Variants in GRIA4 observed in about 807,000 individuals in gnomAD.
GRIA4 encodes the protein glutamate ionotropic receptor AMPA type subunit 4.
In GRIA4, 34 loss-of-function variants were observed where a neutral mutation model predicts 104.0. The observed-to-expected ratio is 0.33, with a 90% CI of 0.25 to 0.44. The LOEUF is 0.44. GRIA4 is among the 20% of genes least tolerant of loss of function. The probability of loss-of-function intolerance (pLI) is 1.00; values close to 1 mark genes in which losing one functional copy is unlikely to be tolerated. For missense variants in GRIA4, 750 were observed against 1,096.5 expected (o/e 0.68, Z 4.46); for synonymous variants, 386 against 381.9 (o/e 1.01, Z -0.13).
chr11:105,971,125 T>C (rs557006208), intron 14 of GRIA4, among the ~76,000 whole-genome samples: 2 of 152,306 alleles, frequency 1.3e-5, no homozygotes, highest in East Asian at 3.9e-4. Context: ...TTGTGGAATA[T>C]ATTATAGTCA....
intron 14 of GRIA4, among the ~76,000 whole-genome samples, chr11:105,942,432 T>C (rs1032352550): frequency 6.6e-6 from 1 of 152,140 alleles, no homozygotes; most frequent in Non-Finnish European, 1.5e-5. Context: ...ACAATAATAG[T>C]ACAGTTCAGC....
chr11:105,675,132 C>T (rs544745070), intron 3 of GRIA4, among the ~76,000 whole-genome samples: 3 of 151,972 alleles, frequency 2.0e-5, no homozygotes, highest in Non-Finnish European at 4.4e-5. Context: ...CAATTAAGGG[C>T]ACATGCTTTG....
intron 4 of GRIA4, among the ~76,000 whole-genome samples, chr11:105,783,817 G>C (rs1054951047): frequency 6.6e-6 from 1 of 150,984 alleles, no homozygotes; most frequent in African/African-American, 2.4e-5. Context: ...TTATCAGTTT[G>C]TCATAATTGA....
At chr11:105,771,995 G>C (rs1941229130) in intron 4 of GRIA4, among the ~76,000 whole-genome samples, 1 of 152,050 alleles carries the variant, frequency 6.6e-6, no homozygotes, top group South Asian at 2.1e-4. Flanking sequence ...ACTTAAAGAT[G>C]CTGTATTAAA....
At chr11:105,825,216 C>T (rs1943723972) in intron 4 of GRIA4, among the ~76,000 whole-genome samples, 1 of 151,992 alleles carries the variant, frequency 6.6e-6, no homozygotes, top group Non-Finnish European at 1.5e-5. Flanking sequence ...TTGAGTTCTG[C>T]CCACTGAGCC....
At chr11:105,887,353 T>C (rs554473951) in intron 5 of GRIA4, among the ~76,000 whole-genome samples, 166 bp from the exon 6 acceptor site, 1 of 152,248 alleles carries the variant, frequency 6.6e-6, no homozygotes, top group South Asian at 2.1e-4. Context: ...ATTCTGAATA[T>C]GGCTTATCAA....
chr11:105,729,726 G>A (rs1010186678), intron 3 of GRIA4, among the ~76,000 whole-genome samples: 5 of 152,070 alleles, frequency 3.3e-5, no homozygotes, highest in African/African-American at 1.2e-4. Flanking sequence ...ATTAACGTAA[G>A]CCATCACATA....
intron 4 of GRIA4, among the ~76,000 whole-genome samples, chr11:105,854,448 T>A (rs1944937258): frequency 6.6e-6 from 1 of 152,112 alleles, no homozygotes. Context: ...AAGAGAGCAG[T>A]GGATGACGTC....
chr11:105,710,689 G>C (rs895505404), intron 3 of GRIA4, among the ~76,000 whole-genome samples: 6 of 152,200 alleles, frequency 3.9e-5, no homozygotes, highest in Admixed American at 2.0e-4. Flanking sequence ...CCAATAACAA[G>C]TCTGTGAACC....
At chr11:105,617,449 C>G (rs945721075) in intron 3 of GRIA4, among the ~76,000 whole-genome samples, 1 of 151,778 alleles carries the variant, frequency 6.6e-6, no homozygotes, top group South Asian at 2.1e-4. Flanking sequence ...ATTCTTATAC[C>G]TACTATCCTA....
At chr11:105,955,432 G>A (rs960622555) in intron 14 of GRIA4, among the ~76,000 whole-genome samples, 11 of 152,122 alleles carry the variant, frequency 7.2e-5, no homozygotes, top group Admixed American at 1.3e-4. Context: ...CTTCATCCAT[G>A]TCCCTGCAAA....
At chr11:105,779,303 T>C (rs1484275933) in intron 4 of GRIA4, among the ~76,000 whole-genome samples, 1 of 152,032 alleles carries the variant, frequency 6.6e-6, no homozygotes, top group African/African-American at 2.4e-5. Flanking sequence ...TACAAACAAA[T>C]GGAAGAACAT....
chr11:105,778,385 T>C (rs146048855), intron 4 of GRIA4, among the ~76,000 whole-genome samples: 107 of 152,252 alleles, frequency 7.0e-4, no homozygotes, highest in African/African-American at 2.5e-3. Context: ...GTTTAGTAAA[T>C]GAGCATAAAT....
intron 3 of GRIA4, among the ~76,000 whole-genome samples, chr11:105,705,205 T>A (rs908911170): frequency 6.6e-6 from 1 of 152,076 alleles, no homozygotes; most frequent in Admixed American, 6.6e-5. Flanking sequence ...GACAACTGGT[T>A]TACCATTTGG....
rs146454222 is a variant in GRIA4 at position 105,910,680 on chromosome 11, T to C, written c.1269+135T>C. On this transcript the variant is annotated intron_variant, in intron 10 of 16. Coordinates refer to ENST00000282499, the MANE Select transcript of GRIA4 (RefSeq NM_000829.4). The stretch of plus-strand genomic sequence containing the variant: ...GGGTGTTCTGATCCACAAAATCCTA[T>C]TGAGGCTTTGAATAGGTTCATCCTA... The C allele has an allele frequency of 2.4e-4, 142 of 583,876 alleles. No individual in the cohort carries two copies. In the East Asian group the frequency reaches 3.9e-3, roughly 16 times the overall value. 36.2% of individuals were successfully genotyped at this position (583,876 alleles called of 1,614,324 possible). A position where few individuals can be genotyped will look rare whatever the true frequency, so the allele number is the denominator to read the frequency against.
chr11:105,838,174 G>C (rs938570191), intron 4 of GRIA4, among the ~76,000 whole-genome samples: 1 of 152,144 alleles, frequency 6.6e-6, no homozygotes, highest in South Asian at 2.1e-4. Context: ...TCAAATAACT[G>C]TGCTTCTCTT....
chr11:105,702,882 A>G (rs1197851748), intron 3 of GRIA4, among the ~76,000 whole-genome samples: 1 of 151,776 alleles, frequency 6.6e-6, no homozygotes, highest in Non-Finnish European at 1.5e-5. Context: ...TTTAGCAGAG[A>G]TGCGGTTTCA....
At chr11:105,910,349 T>C (rs2136163511) in intron 9 of GRIA4, 86 bp from the exon 10 acceptor site, 1 of 682,172 alleles carries the variant, frequency 1.5e-6, no homozygotes. Flanking sequence ...TTTGTTTGCT[T>C]ACCTATTCAT....
intron 10 of GRIA4, among the ~76,000 whole-genome samples, chr11:105,917,487 C>A (rs1047777943): frequency 6.6e-6 from 1 of 152,134 alleles, no homozygotes; most frequent in Admixed American, 6.6e-5. Context: ...AAATTACCTT[C>A]TATTATACAG....
Sources: gnomAD v4.1 joint callset for allele counts (sites outside exome capture counted in the v4.1 genomes callset) on GRCh38, gnomAD v4.1.1 for gene constraint, MANE v1.5 for transcripts, NCBI Gene and HGNC (gene_info 2026-07-23, HGNC 2026-07-21) for gene names.